CSMD1: variants seen among roughly 807,000 people sequenced by gnomAD.
The protein encoded by CSMD1 is CUB and Sushi multiple domains 1, also known as CUB and sushi domain-containing protein 1.
A neutral mutation model predicts 417.5 loss-of-function variants in CSMD1; 213 were observed. The observed-to-expected ratio is 0.51, with a 90% CI of 0.46 to 0.57. The LOEUF (loss-of-function observed/expected upper bound fraction) is 0.57. CSMD1 is among the 20% of genes least tolerant of loss of function. The pLI, the probability that CSMD1 is intolerant of heterozygous loss-of-function variation, is 0.00. For synonymous variants in CSMD1, 2,862 were observed against 1,736.8 expected, an observed-to-expected ratio of 1.65 and a Z score of -16.11; for missense variants, 6,923 against 4,529.7, an observed-to-expected ratio of 1.53 and a Z score of -15.17.
chr8:3,133,354 A>G (rs550516323), intron 41 of CSMD1, among the ~76,000 whole-genome samples: 1 of 152,252 alleles, frequency 6.6e-6, no homozygotes, highest in East Asian at 1.9e-4. Context: ...TGACCTGAGG[A>G]TCCCTCAGAG....
chr8:2,972,290 G>C (rs996246425), intron 57 of CSMD1, among the ~76,000 whole-genome samples: 2 of 152,190 alleles, frequency 1.3e-5, no homozygotes, highest in African/African-American at 4.8e-5. Flanking sequence ...TAGTGTGTAT[G>C]TGAGCTTACT....
chr8:4,496,101 G>A (rs1377836857), intron 2 of CSMD1, among the ~76,000 whole-genome samples: 3 of 152,110 alleles, frequency 2.0e-5, no homozygotes, highest in African/African-American at 7.2e-5. Flanking sequence ...TGGCATACAT[G>A]AGCTAAGTTA....
chr8:4,135,366 AGGGGAAAG>A (rs1803361908), intron 3 of CSMD1, among the ~76,000 whole-genome samples: 1 of 130,180 alleles, frequency 7.7e-6, no homozygotes, highest in African/African-American at 3.1e-5. Context: ...GAGGGAAGGA[AGGGGAAAG>A]TGGGAAAGAG....
rs1025485163 is a variant in CSMD1 at position 4,616,209 on chromosome 8, G to A, written c.302+21133C>T. On this transcript the variant is annotated intron_variant, in intron 2 of 69. Coordinates refer to ENST00000635120, the MANE Select transcript of CSMD1 (RefSeq NM_033225.6). The stretch of plus-strand genomic sequence containing the variant: ...ACCTAGTTTTCTTTTTTGAAGTTCC[G>A]CACTTTACTTAGGAGCACTTTGAGA... 5.3e-5 allele frequency among the ~76,000 whole-genome samples: 8 copies of A among 152,076 alleles called. No individual in the cohort carries two copies. In the Middle Eastern group the frequency reaches 0.021, roughly 391 times the overall value.
At chr8:3,101,020 C>G (rs771187737) in intron 46 of CSMD1, among the ~76,000 whole-genome samples, 3 of 150,830 alleles carry the variant, frequency 2.0e-5, no homozygotes, top group Non-Finnish European at 2.9e-5. Flanking sequence ...CAGAAGGTCA[C>G]TGAATCTCCT....
At chr8:4,628,254 T>G (rs1407639514) in intron 2 of CSMD1, among the ~76,000 whole-genome samples, 2 of 151,524 alleles carry the variant, frequency 1.3e-5, no homozygotes, top group Admixed American at 1.3e-4. Context: ...AACTAATTCT[T>G]GGTCTTTCAT....
intron 36 of CSMD1, among the ~76,000 whole-genome samples, chr8:3,185,732 C>T (rs1821709997): frequency 6.6e-6 from 1 of 152,206 alleles, no homozygotes; most frequent in African/African-American, 2.4e-5. Flanking sequence ...AAGACACATA[C>T]TTTCTAAGCA....
intron 23 of CSMD1, among the ~76,000 whole-genome samples, chr8:3,316,972 T>A (rs1805813283): frequency 6.6e-6 from 1 of 152,046 alleles, no homozygotes; most frequent in Non-Finnish European, 1.5e-5. Flanking sequence ...TCAGTGGATG[T>A]GGGGAGGGGA....
At chr8:4,138,834 A>G (rs963807457) in intron 3 of CSMD1, among the ~76,000 whole-genome samples, 18 of 152,144 alleles carry the variant, frequency 1.2e-4, no homozygotes, top group African/African-American at 4.3e-4. Flanking sequence ...GGCAAATTCT[A>G]TAGAGAATAA....
chr8:3,211,878 G>A (rs886109275), intron 30 of CSMD1, among the ~76,000 whole-genome samples: 14 of 152,298 alleles, frequency 9.2e-5, no homozygotes, highest in South Asian at 6.2e-4. Flanking sequence ...TGCCCAGGCC[G>A]CTCAGGATAT....
intron 11 of CSMD1, among the ~76,000 whole-genome samples, chr8:3,483,876 C>G (rs1242830403): frequency 6.6e-6 from 1 of 152,034 alleles, no homozygotes; most frequent in Non-Finnish European, 1.5e-5. Context: ...TTAGAAGAGG[C>G]TAAAGAAAGA....
intron 12 of CSMD1, among the ~76,000 whole-genome samples, chr8:3,456,901 T>A (rs535981908): frequency 6.6e-6 from 1 of 152,056 alleles, no homozygotes; most frequent in East Asian, 1.9e-4. Flanking sequence ...CCTGCCCCCC[T>A]TGTATTCTAC....
At chr8:4,272,265 CT>C (rs1356881381) in intron 3 of CSMD1, among the ~76,000 whole-genome samples, 3 of 152,172 alleles carry the variant, frequency 2.0e-5, no homozygotes, top group Non-Finnish European at 4.4e-5. Context: ...GAATCTGGGA[CT>C]TTAAGAAAAC....
chr8:4,382,461 T>A (rs1384311382), intron 3 of CSMD1, among the ~76,000 whole-genome samples: 1 of 152,170 alleles, frequency 6.6e-6, no homozygotes, highest in South Asian at 2.1e-4. Context: ...CTTTATAATA[T>A]AGACCATTAA....
intron 21 of CSMD1, among the ~76,000 whole-genome samples, chr8:3,356,004 T>C (rs1014431138): frequency 5.3e-5 from 8 of 152,116 alleles, no homozygotes; most frequent in Non-Finnish European, 1.2e-4. Context: ...ACACAAATAA[T>C]AAAAAAGTTT....
At chr8:3,414,522 G>C (rs73657861) in intron 12 of CSMD1, among the ~76,000 whole-genome samples, 1 of 151,840 alleles carries the variant, frequency 6.6e-6, no homozygotes, top group Non-Finnish European at 1.5e-5. Context: ...TCCTCTCATC[G>C]CTCCCCATGC....
chr8:4,850,425 A>C (rs1180701701), intron 1 of CSMD1, among the ~76,000 whole-genome samples: 1 of 145,084 alleles, frequency 6.9e-6, no homozygotes, highest in Admixed American at 6.8e-5. Flanking sequence ...TTTAGTAAAA[A>C]ACATCTTTAC....
At chr8:3,537,809 G>A (rs1298368324) in intron 10 of CSMD1, among the ~76,000 whole-genome samples, 2 of 152,208 alleles carry the variant, frequency 1.3e-5, no homozygotes, top group South Asian at 2.1e-4. Flanking sequence ...ATAGCACTTG[G>A]CACAAACTTG....
At chr8:4,838,499 C>T (rs558774176) in intron 1 of CSMD1, among the ~76,000 whole-genome samples, 18 of 152,336 alleles carry the variant, frequency 1.2e-4, no homozygotes, top group African/African-American at 4.1e-4. Flanking sequence ...GTGATTCTGT[C>T]TCATAACTTT....
Sources: allele counts gnomAD v4.1 joint callset (sites outside exome capture counted in the v4.1 genomes callset), GRCh38; gene constraint gnomAD v4.1.1; transcripts MANE v1.5; gene names NCBI Gene and HGNC (gene_info 2026-07-23, HGNC 2026-07-21).